The following TTC27 variants were observed in gnomAD, a reference collection of about 807,000 sequenced individuals.
The protein encoded by TTC27 is tetratricopeptide repeat domain 27, also known as tetratricopeptide repeat protein 27.
TTC27 carries 79 observed loss-of-function variants against 115.9 expected under a neutral mutation model. The ratio of observed to expected loss-of-function variants is 0.68; its 90% CI spans 0.57 to 0.82. The LOEUF is 0.82. Ranked by LOEUF, TTC27 falls within the 40% of genes least tolerant of loss-of-function variation. The probability of loss-of-function intolerance (pLI) is 0.00; values close to 1 mark genes in which losing one functional copy is unlikely to be tolerated. For missense variants in TTC27, 1,054 were observed against 993.1 expected (o/e 1.06, Z -0.82); for synonymous variants, 401 against 356.0 (o/e 1.13, Z -1.42).
intron 5 of TTC27, among the ~76,000 whole-genome samples, chr2:32,662,865 T>C (rs1665604023): frequency 6.6e-6 from 1 of 152,236 alleles, no homozygotes; most frequent in South Asian, 2.1e-4. Flanking sequence ...TCAATTGTGA[T>C]GTTAGGGTGT....
intron 10 of TTC27, among the ~76,000 whole-genome samples, chr2:32,732,824 C>G (rs1466659601): frequency 6.6e-6 from 1 of 151,998 alleles, no homozygotes; most frequent in Non-Finnish European, 1.5e-5. Flanking sequence ...TCACTACCGT[C>G]TAATCCTCAT....
At chr2:32,629,891 ATGTGTGTG>A (rs145680674) in intron 1 of TTC27, among the ~76,000 whole-genome samples, 4 of 151,714 alleles carry the variant, frequency 2.6e-5, no homozygotes, top group Admixed American at 1.3e-4. Flanking sequence ...CTCTGTGTGT[ATGTGTGTG>A]TGTGTGGGCA....
At chr2:32,803,955 C>T (rs1671045012) in intron 16 of TTC27, among the ~76,000 whole-genome samples, 2 of 150,438 alleles carry the variant, frequency 1.3e-5, no homozygotes, top group African/African-American at 2.5e-5. Context: ...TGCAGTGAGC[C>T]GAGATTGTGC....
intron 9 of TTC27, among the ~76,000 whole-genome samples, chr2:32,684,712 A>G (rs1666570253): frequency 6.6e-6 from 1 of 151,942 alleles, no homozygotes; most frequent in African/African-American, 2.4e-5. Flanking sequence ...TCATTTCTTA[A>G]TTGTAATTTA....
chr2:32,711,269 C>T (rs1199999781), intron 10 of TTC27, among the ~76,000 whole-genome samples: 1 of 152,112 alleles, frequency 6.6e-6, no homozygotes, highest in Admixed American at 6.5e-5. Context: ...TTGCGTAGTC[C>T]ACTACCTGTA....
In TTC27 at chr2:32,733,852, A is replaced by C; in HGVS notation, c.1258A>C (p.Lys420Gln). Residue 420 changes from lysine (K) to glutamine (Q), a missense_variant, in exon 11 of 20, where the codon AAA becomes CAA. Lys to Gln is a moderately conservative substitution (Grantham distance 53). Transcript: ENST00000317907. ...GGCTCTTGCAGACCAATTTGAAGAT[A>C]AAACTACATCTGTATTGGAACGCCT... Reference protein sequence around the residue: ...TQALADQFEDKTTSVLERLKI... With the variant: ...TQALADQFEDQTTSVLERLKI... The C allele has an allele frequency of 1.2e-6, 2 of 1,611,336 alleles. No individual in the cohort carries two copies. The highest frequency in any genetic ancestry group is 1.7e-6 in the Non-Finnish European group (2 of 1,178,630).
intron 13 of TTC27, among the ~76,000 whole-genome samples, chr2:32,773,140 G>A (rs1419468541): frequency 6.6e-6 from 1 of 152,120 alleles, no homozygotes; most frequent in Non-Finnish European, 1.5e-5. Context: ...TAAACAGTTG[G>A]CCTGCTTTTG....
intron 16 of TTC27, among the ~76,000 whole-genome samples, chr2:32,810,167 A>T (rs1031470604): frequency 2.6e-5 from 4 of 151,900 alleles, no homozygotes; most frequent in Admixed American, 6.6e-5. Flanking sequence ...AAGAGAAGAG[A>T]TACTTGCTAG....
At chr2:32,668,809 G>C (rs148067435) in intron 7 of TTC27, among the ~76,000 whole-genome samples, 2,019 of 150,882 alleles carry the variant, frequency 0.013, 26 homozygotes, top group Middle Eastern at 0.062. Flanking sequence ...GCTGGGCGTG[G>C]TGGCTCACGC....
At chr2:32,816,083 G>T (rs1230420675) in intron 18 of TTC27, among the ~76,000 whole-genome samples, 1 of 152,114 alleles carries the variant, frequency 6.6e-6, no homozygotes, top group Admixed American at 6.5e-5. Context: ...TGAGGTGGGT[G>T]GATCACTTGA....
At chr2:32,776,769 C>T (rs942633749) in intron 13 of TTC27, among the ~76,000 whole-genome samples, 10 of 152,138 alleles carry the variant, frequency 6.6e-5, no homozygotes, top group East Asian at 3.9e-4. Flanking sequence ...CCGTCATGTC[C>T]GGCTAATTTT....
At chr2:32,680,912 T>G (rs1211279945) in intron 9 of TTC27, among the ~76,000 whole-genome samples, 1 of 152,208 alleles carries the variant, frequency 6.6e-6, no homozygotes, top group Non-Finnish European at 1.5e-5. Context: ...AACTTTTCCT[T>G]TCTTTAACCT....
At chr2:32,664,200 G>T in intron 5 of TTC27, 103 bp from the exon 6 acceptor site, 1 of 997,252 alleles carries the variant, frequency 1.0e-6, no homozygotes, top group Non-Finnish European at 1.4e-6. Context: ...TTTAACAACA[G>T]AGACTATGTA....
chr2:32,780,603 C>A (rs1670143396), intron 14 of TTC27, among the ~76,000 whole-genome samples: 1 of 151,968 alleles, frequency 6.6e-6, no homozygotes, highest in Admixed American at 6.6e-5. Context: ...CCACGCCTGA[C>A]AAATTTTTGT....
intron 12 of TTC27, 33 bp from the exon 13 acceptor site, chr2:32,758,259 C>T (rs956895393): frequency 6.3e-7 from 1 of 1,596,032 alleles, no homozygotes; most frequent in Non-Finnish European, 8.6e-7. Context: ...GTTAATCACT[C>T]TTAAGCAATT....
chr2:32,757,852 C>A (rs1028171188), intron 12 of TTC27, among the ~76,000 whole-genome samples: 5 of 152,178 alleles, frequency 3.3e-5, no homozygotes, highest in Non-Finnish European at 7.3e-5. Context: ...CAGGCACCTG[C>A]CACCACGCCC....
chr2:32,745,107 T>C (rs1668776539), intron 12 of TTC27, among the ~76,000 whole-genome samples: 1 of 150,634 alleles, frequency 6.6e-6, no homozygotes, highest in Admixed American at 6.6e-5. Flanking sequence ...CAGATCTTCT[T>C]GTAGTTGGAA....
In TTC27 at chr2:32,777,961, G is replaced by A. The variant is rs1036264018; in HGVS notation, c.1760G>A (p.Cys587Tyr). The change falls in exon 14 of 20, where the codon TGT becomes TAT. Residue 587 changes from cysteine to tyrosine, a missense_variant. Physicochemically the swap from Cys to Tyr is radical, Grantham distance 194. Coordinates refer to ENST00000317907, the MANE Select transcript of TTC27 (RefSeq NM_017735.5). Reference sequence around the variant, plus strand: ...GGTTCAGCAAAGGCATTTCAGCGCTGTGTGACTCTAGAACCCGATGTAAGT... The same window carrying A: ...GGTTCAGCAAAGGCATTTCAGCGCTATGTGACTCTAGAACCCGATGTAAGT... ...YQGSAKAFQR[C>Y]VTLEPDNAEA... 10 of 1,613,932 alleles carry A rather than the reference G, an allele frequency of 6.2e-6. No homozygotes were observed. Among genetic ancestry groups the A allele is most frequent in the African/African-American group, 4.0e-5 (3 of 74,904 alleles).
rs537107396 is a variant in TTC27, at chr2:32,816,182, T to G, written c.2309-1275T>G. On this transcript the variant is annotated intron_variant, in intron 18 of 19. Transcript: ENST00000317907. ...AAATTAAAACATTAGCTGGTTGTGGTGACATGCACCTGTGGTCCCAGCTAC... is the reference window on the plus strand; with the variant it reads ...AAATTAAAACATTAGCTGGTTGTGGGGACATGCACCTGTGGTCCCAGCTAC... Among the ~76,000 whole-genome samples the G allele has an allele frequency of 9.2e-5, 14 of 152,126 alleles. 1 individual carries two copies. The highest frequency in any genetic ancestry group is 3.4e-4 in the African/African-American group (14 of 41,496).
Sources: allele counts gnomAD v4.1 joint callset (sites outside exome capture counted in the v4.1 genomes callset), GRCh38; gene constraint gnomAD v4.1.1; transcripts MANE v1.5; gene names NCBI Gene and HGNC (gene_info 2026-07-23, HGNC 2026-07-21).